PPA2: variants seen among roughly 807,000 people sequenced by gnomAD.
PPA2 encodes inorganic pyrophosphatase 2, also known as inorganic pyrophosphatase 2, mitochondrial.
Under a neutral mutation model 49.5 loss-of-function variants are expected in PPA2, and 48 were observed. That is an observed-to-expected ratio of 0.97 (90% CI 0.77 to 1.23). The LOEUF (loss-of-function observed/expected upper bound fraction) is 1.23. PPA2 is among the 50% of genes most tolerant of loss of function. PPA2 has a pLI of 0.00. For missense variants in PPA2, 429 were observed against 410.1 expected (o/e 1.05, Z -0.40); for synonymous variants, 131 against 139.9 (o/e 0.94, Z 0.45).
intron 7 of PPA2, among the ~76,000 whole-genome samples, chr4:105,406,211 C>CA (rs145974350): frequency 0.12 from 16,138 of 136,572 alleles, 1,359 homozygotes; most frequent in East Asian, 0.45. Flanking sequence ...AACAAAAAAA[C>CA]AAAAAAACAG....
intron 1 of PPA2, 127 bp downstream of exon 1, chr4:105,473,767 C>T: frequency 1.4e-6 from 2 of 1,382,368 alleles, no homozygotes; most frequent in East Asian, 2.3e-5. Flanking sequence ...CTGGACCGCG[C>T]GGCTACCGCT....
chr4:105,470,472 G>A (rs1263485977), intron 1 of PPA2, among the ~76,000 whole-genome samples: 1 of 152,090 alleles, frequency 6.6e-6, no homozygotes, highest in Admixed American at 6.5e-5. Context: ...GCAAAAGTAT[G>A]AGACCCCATC....
intron 9 of PPA2, among the ~76,000 whole-genome samples, chr4:105,392,440 AGGTGCGTGGATCACCTGC>A (rs1479263484): frequency 6.6e-6 from 1 of 152,138 alleles, no homozygotes; most frequent in African/African-American, 2.4e-5. Context: ...TGGGAGGCTG[AGGTGCGTGGATCACCTGC>A]GGTCAGGAGT....
chr4:105,373,564 TA>T (rs1468616308), intron 10 of PPA2, among the ~76,000 whole-genome samples: 1 of 152,126 alleles, frequency 6.6e-6, no homozygotes, highest in Non-Finnish European at 1.5e-5. Context: ...GTACAGTGTA[TA>T]AAAATAGAAT....
chr4:105,426,922 T>C (rs1723539253), intron 6 of PPA2, among the ~76,000 whole-genome samples: 1 of 152,218 alleles, frequency 6.6e-6, no homozygotes, highest in Non-Finnish European at 1.5e-5. Context: ...CTGACTCCCA[T>C]GTAGCCTGAC....
intron 5 of PPA2, among the ~76,000 whole-genome samples, chr4:105,439,272 T>TTAG (rs1724222958): frequency 1.3e-5 from 2 of 152,210 alleles, no homozygotes; most frequent in African/African-American, 2.4e-5. Context: ...ATGGTTTCTA[T>TTAG]ATGGTAAAGA....
At chr4:105,436,990 A>G (rs954817107) in intron 6 of PPA2, among the ~76,000 whole-genome samples, 6 of 152,154 alleles carry the variant, frequency 3.9e-5, no homozygotes, top group African/African-American at 1.2e-4. Flanking sequence ...TAAACTAAAA[A>G]CCTTCTGCAT....
Position 105,369,652 on chromosome 4 carries a change from T to C in PPA2, c.*73A>G. ...TTAACAGGAAGTCAGTAAATGCTCA[T>C]AGACCCCCTTGTCTCTAGCACTTGG... On this transcript the variant is annotated 3_prime_UTR_variant, in exon 12 of 12. Coordinates refer to ENST00000341695, the MANE Select transcript of PPA2 (RefSeq NM_176869.3). The C allele has an allele frequency of 1.4e-6, 2 of 1,443,158 alleles. No homozygotes were observed. Among genetic ancestry groups the C allele is most frequent in the Non-Finnish European group, 9.8e-7 (1 of 1,025,482 alleles). The allele number at this position is 1,443,158 out of a possible 1,614,324, so 89.4% of individuals were successfully genotyped here.
chr4:105,419,012 G>A (rs1052888850), intron 7 of PPA2, among the ~76,000 whole-genome samples: 1 of 152,058 alleles, frequency 6.6e-6, no homozygotes, highest in African/African-American at 2.4e-5. Flanking sequence ...ACTGGCCAAG[G>A]TATTTTCTAG....
intron 9 of PPA2, among the ~76,000 whole-genome samples, chr4:105,390,407 A>G (rs1211296939): frequency 6.6e-6 from 1 of 152,166 alleles, no homozygotes; most frequent in Non-Finnish European, 1.5e-5. Flanking sequence ...TTTGCAATCT[A>G]CTTACCTGAC....
At chr4:105,395,912 T>G (rs59902936) in intron 9 of PPA2, among the ~76,000 whole-genome samples, 26,950 of 152,098 alleles carry the variant, frequency 0.18, 2,691 homozygotes, top group African/African-American at 0.26. Flanking sequence ...TAAGGAGGCT[T>G]TTACTTTCTA....
rs371147281 is a variant in PPA2 at position 105,424,240 on chromosome 4, A to T, written c.611T>A (p.Leu204Ter). ...LIDEGETDWK[L>*]IAINANDPEA... ...AGGATCATTCGCATTGATAGCAATT[A>T]ATTTCCAATCTGTTTCACCTTCATC... is the stretch of plus-strand genomic sequence containing the variant. Residue 204 changes from leucine to a stop codon, truncating the protein, a stop_gained, in exon 7 of 12, where the codon TTA becomes TAA. Coordinates refer to ENST00000341695, the MANE Select transcript of PPA2 (RefSeq NM_176869.3). LOFTEE classifies it high-confidence loss of function. 12 of 1,610,202 alleles carry T rather than the reference A, an allele frequency of 7.5e-6. No individual in the cohort carries two copies. Among genetic ancestry groups the T allele is most frequent in the Non-Finnish European group, 1.0e-5 (12 of 1,179,114 alleles).
intron 1 of PPA2, among the ~76,000 whole-genome samples, chr4:105,467,594 A>G (rs1391107744): frequency 1.3e-5 from 2 of 152,242 alleles, no homozygotes; most frequent in African/African-American, 2.4e-5. Flanking sequence ...TGCTGTATGG[A>G]AAGTAGACTA....
At position 105,384,373 on chromosome 4, in the gene PPA2, T is replaced by C. The variant is rs149708719; in HGVS notation, c.939+2194A>G. The stretch of plus-strand genomic sequence containing the variant: ...TTAACCTTTCTGAATTCTAATCTTA[T>C]TCCTCTAATCTAACTAGATCACATA... On this transcript the variant is annotated intron_variant, in intron 10 of 11. Transcript: ENST00000341695. Among the ~76,000 whole-genome samples the C allele has an allele frequency of 6.6e-5, 10 of 152,318 alleles. No individual in the cohort carries two copies. In the East Asian group the frequency reaches 1.7e-3, roughly 26 times the overall value.
At chr4:105,439,737 C>T (rs1724251372) in intron 5 of PPA2, among the ~76,000 whole-genome samples, 1 of 151,814 alleles carries the variant, frequency 6.6e-6, no homozygotes, top group Non-Finnish European at 1.5e-5. Context: ...GCATAACGTG[C>T]AGGTTTGTTA....
intron 7 of PPA2, among the ~76,000 whole-genome samples, chr4:105,404,204 G>C (rs1722353153): frequency 6.6e-6 from 1 of 151,492 alleles, no homozygotes; most frequent in African/African-American, 2.4e-5. Flanking sequence ...AAAATGTTAA[G>C]AAATTTTAAA....
intron 7 of PPA2, among the ~76,000 whole-genome samples, chr4:105,403,903 C>CTT (rs542664794): frequency 9.7e-5 from 14 of 144,304 alleles, no homozygotes; most frequent in African/African-American, 2.8e-4. Context: ...TCTTTCTACT[C>CTT]TTTTTTTTTT....
At chr4:105,446,536 G>C (rs767961742) in intron 4 of PPA2, 34 bp from the exon 5 acceptor site, 5 of 1,580,294 alleles carry the variant, frequency 3.2e-6, no homozygotes, top group Non-Finnish European at 4.3e-6. Flanking sequence ...AAAGGAGATG[G>C]GATAAGAAAT....
chr4:105,383,902 C>CA (rs11406936), intron 10 of PPA2, among the ~76,000 whole-genome samples: 146,932 of 147,834 alleles, frequency 0.99, 73,017 homozygotes, highest in South Asian at 1. Flanking sequence ...AATTAAAGGA[C>CA]AAAAAAAAAA....
Sources: gnomAD v4.1 joint callset for allele counts (sites outside exome capture counted in the v4.1 genomes callset) on GRCh38, gnomAD v4.1.1 for gene constraint, MANE v1.5 for transcripts, NCBI Gene and HGNC (gene_info 2026-07-23, HGNC 2026-07-21) for gene names.